Variants in FRMPD4 observed in about 807,000 individuals in gnomAD.
FRMPD4 encodes the protein FERM and PDZ domain-containing protein 4.
FRMPD4 carries 22 observed loss-of-function variants against 94.1 expected under a neutral mutation model. The ratio of observed to expected loss-of-function variants is 0.23; its 90% CI spans 0.17 to 0.33. FRMPD4 has a LOEUF of 0.33. Among genes scored for constraint, FRMPD4 ranks in the 10% least tolerant of loss-of-function variants. FRMPD4 has a pLI of 1.00. For missense variants in FRMPD4, 1,111 were observed against 1,339.9 expected, an observed-to-expected ratio of 0.83 and a Z score of 2.67; for synonymous variants, 631 against 548.6, an observed-to-expected ratio of 1.15 and a Z score of -2.10.
intron 1 of FRMPD4, among the ~76,000 whole-genome samples, chrX:11,856,397 C>T (rs371784242): frequency 1.8e-5 from 2 of 111,657 alleles, no homozygotes; most frequent in Admixed American, 1.9e-4. Flanking sequence ...AAGGTTGGTT[C>T]AACATATGCA....
At chrX:11,955,904 G>A (rs1433927984) in intron 3 of FRMPD4, among the ~76,000 whole-genome samples, 1 of 111,567 alleles carries the variant, frequency 9.0e-6, no homozygotes, top group African/African-American at 3.3e-5. Flanking sequence ...TTTCCAAAAG[G>A]TTAGACTCAA....
intron 1 of FRMPD4, among the ~76,000 whole-genome samples, chrX:12,370,413 A>G (rs1350415575): frequency 3.6e-5 from 4 of 112,618 alleles, no homozygotes; most frequent in Non-Finnish European, 7.5e-5. Flanking sequence ...TATTCTAGCT[A>G]TTTCACCCAG....
At chrX:12,514,797 C>T (rs746604111) in intron 2 of FRMPD4, among the ~76,000 whole-genome samples, 1 of 111,926 alleles carries the variant, frequency 8.9e-6, no homozygotes, top group African/African-American at 3.3e-5. Context: ...ACACTAGCTC[C>T]CCTTTGTACC....
chrX:11,921,632 C>A (rs1183896286), intron 3 of FRMPD4, among the ~76,000 whole-genome samples: 2 of 111,996 alleles, frequency 1.8e-5, no homozygotes, highest in African/African-American at 6.5e-5. Context: ...GTTGCTGGTC[C>A]ATTTTTCCCT....
At chrX:11,904,449 C>T (rs529099699) in intron 3 of FRMPD4, among the ~76,000 whole-genome samples, 19 of 112,177 alleles carry the variant, frequency 1.7e-4, no homozygotes, top group African/African-American at 5.8e-4. Flanking sequence ...AGGCAGGGGA[C>T]GTTGTTAAAA....
At chrX:12,494,159 C>T (rs1339503578) in intron 1 of FRMPD4, among the ~76,000 whole-genome samples, 2 of 112,107 alleles carry the variant, frequency 1.8e-5, no homozygotes, top group Non-Finnish European at 3.8e-5. Flanking sequence ...AAGAATTGTG[C>T]ATTAATTACA....
At chrX:12,197,380 A>G (rs952062592) in intron 1 of FRMPD4, among the ~76,000 whole-genome samples, 5 of 112,002 alleles carry the variant, frequency 4.5e-5, no homozygotes, top group Admixed American at 3.8e-4. Context: ...TTGTCATAGC[A>G]CTAGCACTTA....
At chrX:12,384,410 T>A (rs1056722960) in intron 1 of FRMPD4, among the ~76,000 whole-genome samples, 1 of 111,565 alleles carries the variant, frequency 9.0e-6, no homozygotes, top group Non-Finnish European at 1.9e-5. Context: ...CCCAGCTTCC[T>A]GGGAGGTTGA....
rs5901464 is a variant in FRMPD4 at position 12,199,237 on chromosome X, ATGTGTG to A, written c.41+60253_41+60258del. 3.7e-4 allele frequency among the ~76,000 whole-genome samples: 34 copies of A among 91,271 alleles called. No individual in the cohort carries two copies. In the South Asian group the frequency reaches 5.5e-3, roughly 15 times the overall value. The allele number at this position is 91,271 out of a possible 115,157, so 79.3% of individuals were successfully genotyped here. A position where few individuals can be genotyped will look rare whatever the true frequency, so the allele number is the denominator to read the frequency against. On this transcript the variant is annotated intron_variant, in intron 1 of 16. Transcript: ENST00000675598. ...GACAATTTAAATGTTAGAAAGGAAA[ATGTGTG>A]TGTGTGTGTGTGTGTGTGTGTGTGT... is the stretch of plus-strand genomic sequence containing the variant.
intron 1 of FRMPD4, among the ~76,000 whole-genome samples, chrX:12,487,196 G>T (rs1051722301): frequency 1.2e-4 from 13 of 111,447 alleles, no homozygotes; most frequent in Non-Finnish European, 2.1e-4. Context: ...AGGCATGATG[G>T]TCATATTTTC....
chrX:11,856,667 C>T (rs1423788877), intron 1 of FRMPD4, among the ~76,000 whole-genome samples: 1 of 111,981 alleles, frequency 8.9e-6, no homozygotes, highest in East Asian at 2.8e-4. Context: ...TGCCCTCTCT[C>T]ACCACTCCTA....
intron 2 of FRMPD4, among the ~76,000 whole-genome samples, chrX:12,539,665 C>T (rs2058382242): frequency 9.1e-6 from 1 of 109,505 alleles, no homozygotes; most frequent in Admixed American, 9.7e-5. Flanking sequence ...CGGAGTTTCA[C>T]TCTTGTTGCC....
chrX:12,411,118 G>T (rs1569265374), intron 1 of FRMPD4, among the ~76,000 whole-genome samples: 1 of 111,031 alleles, frequency 9.0e-6, no homozygotes, highest in African/African-American at 3.3e-5. Context: ...AGCATTCTTA[G>T]GAGCTCTAGG....
chrX:12,341,938 A>T (rs969588227), intron 1 of FRMPD4, among the ~76,000 whole-genome samples: 1 of 112,081 alleles, frequency 8.9e-6, no homozygotes, highest in Non-Finnish European at 1.9e-5. Flanking sequence ...TAGGGGAAAA[A>T]GGCTAAATGG....
intron 1 of FRMPD4, among the ~76,000 whole-genome samples, chrX:11,846,926 C>G (rs1190791845): frequency 3.7e-5 from 4 of 107,998 alleles, no homozygotes; most frequent in Non-Finnish European, 5.8e-5. Flanking sequence ...ACCATAAAAA[C>G]CCTAGAAGAA....
intron 2 of FRMPD4, among the ~76,000 whole-genome samples, chrX:12,599,738 C>G (rs1218576187): frequency 1.8e-5 from 2 of 111,623 alleles, no homozygotes; most frequent in African/African-American, 6.5e-5. Flanking sequence ...TGGGCTCACA[C>G]CAGAAGTTAG....
chrX:11,909,903 A>G (rs779417515), intron 3 of FRMPD4, among the ~76,000 whole-genome samples: 1 of 111,222 alleles, frequency 9.0e-6, no homozygotes, highest in African/African-American at 3.3e-5. Context: ...AAACATTTTA[A>G]TCAACCATCT....
intron 1 of FRMPD4, among the ~76,000 whole-genome samples, chrX:12,293,279 T>C (rs2054717287): frequency 8.9e-6 from 1 of 112,360 alleles, no homozygotes; most frequent in African/African-American, 3.2e-5. Context: ...TTGCAATTGG[T>C]ATCCAATGTA....
chrX:11,890,088 G>C (rs1234282542), intron 3 of FRMPD4, among the ~76,000 whole-genome samples: 1 of 112,249 alleles, frequency 8.9e-6, no homozygotes, highest in Admixed American at 9.4e-5. Flanking sequence ...AGGGTTGGGG[G>C]AACTGTTGGC....
Sources: gnomAD v4.1 joint callset for allele counts (sites outside exome capture counted in the v4.1 genomes callset) on GRCh38, gnomAD v4.1.1 for gene constraint, MANE v1.5 for transcripts, NCBI Gene and HGNC (gene_info 2026-07-23, HGNC 2026-07-21) for gene names.